SMYD3: variants seen among roughly 807,000 people sequenced by gnomAD.
SMYD3 encodes histone-lysine N-methyltransferase SMYD3.
SMYD3 carries 36 observed loss-of-function variants against 57.7 expected under a neutral mutation model. The ratio of observed to expected loss-of-function variants is 0.62; its 90% CI spans 0.48 to 0.82. The LOEUF is 0.82. Ranked by LOEUF, SMYD3 falls within the 40% of genes least tolerant of loss-of-function variation. The probability of loss-of-function intolerance (pLI) is 0.00; values close to 1 mark genes in which losing one functional copy is unlikely to be tolerated. For missense variants in SMYD3, 515 were observed against 538.8 expected, an observed-to-expected ratio of 0.96 and a Z score of 0.44; for synonymous variants, 211 against 195.0, an observed-to-expected ratio of 1.08 and a Z score of -0.68.
At chr1:246,443,994 T>C (rs2067510605) in intron 1 of SMYD3, among the ~76,000 whole-genome samples, 1 of 152,064 alleles carries the variant, frequency 6.6e-6, no homozygotes, top group African/African-American at 2.4e-5. Context: ...CAGACAACAA[T>C]CAACTTGATT....
At chr1:245,923,414 A>T (rs956052355) in intron 7 of SMYD3, among the ~76,000 whole-genome samples, 4 of 152,126 alleles carry the variant, frequency 2.6e-5, no homozygotes, top group Non-Finnish European at 5.9e-5. Context: ...TAGACCAGCC[A>T]ATGTTATGAA....
At chr1:246,296,317 C>T (rs535292815) in intron 5 of SMYD3, among the ~76,000 whole-genome samples, 1 of 152,270 alleles carries the variant, frequency 6.6e-6, no homozygotes, top group African/African-American at 2.4e-5. Context: ...CCATGAACAA[C>T]TCATTTCTCT....
chr1:246,095,762 G>C (rs1312453362), intron 5 of SMYD3, among the ~76,000 whole-genome samples: 1 of 152,188 alleles, frequency 6.6e-6, no homozygotes, highest in Admixed American at 6.5e-5. Flanking sequence ...CACAGTCCCA[G>C]CTACTCAGGA....
intron 1 of SMYD3, among the ~76,000 whole-genome samples, chr1:246,504,004 C>T (rs1031736810): frequency 1.3e-5 from 2 of 150,378 alleles, no homozygotes; most frequent in Admixed American, 1.3e-4. Flanking sequence ...AATTTCATTG[C>T]CATTTACTCT....
chr1:245,937,136 T>C (rs2057019418), intron 5 of SMYD3, among the ~76,000 whole-genome samples: 1 of 152,170 alleles, frequency 6.6e-6, no homozygotes, highest in African/African-American at 2.4e-5. Context: ...GTGGTGTCTG[T>C]CCCATTTCAA....
chr1:245,887,064 G>C (rs2053127133), intron 8 of SMYD3, among the ~76,000 whole-genome samples: 1 of 152,186 alleles, frequency 6.6e-6, no homozygotes, highest in African/African-American at 2.4e-5. Context: ...CTGGTAAAAT[G>C]AGGCTAAGAC....
Position 246,002,435 on chromosome 1 carries a change from C to T in SMYD3, c.532-72498G>A, listed in dbSNP as rs572100691. Reference sequence around the variant, plus strand: ...TCCTGACCTCGTGATCCACCCGCCTCGGCCTCCCAAAGTGCTGGGATTACA... The same window carrying T: ...TCCTGACCTCGTGATCCACCCGCCTTGGCCTCCCAAAGTGCTGGGATTACA... On this transcript the variant is annotated intron_variant, in intron 5 of 11. Transcript: ENST00000490107. Among the ~76,000 whole-genome samples the T allele has an allele frequency of 4.8e-4, 23 of 48,410 alleles. 8 individuals are homozygous for T. The highest frequency in any genetic ancestry group is 8.9e-4 in the Non-Finnish European group (18 of 20,184). 31.8% of individuals were successfully genotyped at this position (48,410 alleles called of 152,430 possible). A position where few individuals can be genotyped will look rare whatever the true frequency, so the allele number is the denominator to read the frequency against.
At chr1:245,963,902 T>C (rs1400925571) in intron 5 of SMYD3, among the ~76,000 whole-genome samples, 1 of 152,208 alleles carries the variant, frequency 6.6e-6, no homozygotes, top group East Asian at 1.9e-4. Flanking sequence ...ACTAGAAGAC[T>C]GAGACCCACT....
intron 1 of SMYD3, among the ~76,000 whole-genome samples, chr1:246,408,686 T>C (rs999345883): frequency 2.8e-5 from 4 of 144,720 alleles, no homozygotes; most frequent in African/African-American, 1.1e-4. Context: ...TTTTTTTTTT[T>C]TGAGATGGAG....
chr1:245,894,952 G>A (rs2053663381), intron 8 of SMYD3, among the ~76,000 whole-genome samples: 1 of 152,354 alleles, frequency 6.6e-6, no homozygotes, highest in African/African-American at 2.4e-5. Context: ...GGAGCCTGGT[G>A]AGCACAGCTG....
chr1:245,927,026 T>C (rs2056420660), intron 7 of SMYD3, among the ~76,000 whole-genome samples: 1 of 152,264 alleles, frequency 6.6e-6, no homozygotes. Context: ...CAAATCCCTG[T>C]CTACATAAAA....
At chr1:246,469,852 G>A (rs1277469339) in intron 1 of SMYD3, among the ~76,000 whole-genome samples, 1 of 152,124 alleles carries the variant, frequency 6.6e-6, no homozygotes, top group Non-Finnish European at 1.5e-5. Flanking sequence ...TAGTTACAAG[G>A]GGAAAAACAG....
chr1:246,142,976 C>T (rs1358417637), intron 5 of SMYD3, among the ~76,000 whole-genome samples: 1 of 152,108 alleles, frequency 6.6e-6, no homozygotes, highest in Non-Finnish European at 1.5e-5. Context: ...GTGCAACCAG[C>T]CTCTCTTAAT....
intron 10 of SMYD3, 46 bp downstream of exon 10, chr1:245,858,450 G>C (rs369572604): frequency 6.5e-7 from 1 of 1,548,662 alleles, no homozygotes; most frequent in Non-Finnish European, 8.7e-7. Context: ...TTTGCCCAAC[G>C]TGAAGACGTC....
At chr1:245,882,514 G>T (rs761940097) in intron 8 of SMYD3, among the ~76,000 whole-genome samples, 16 of 152,082 alleles carry the variant, frequency 1.1e-4, no homozygotes, top group Non-Finnish European at 2.1e-4. Flanking sequence ...CAATCATGTG[G>T]GGGTGAGGGG....
chr1:246,047,969 A>C (rs2059999904), intron 5 of SMYD3, among the ~76,000 whole-genome samples: 2 of 152,210 alleles, frequency 1.3e-5, no homozygotes, highest in South Asian at 4.1e-4. Context: ...AAAAATGTAA[A>C]ATTTGTTAGT....
intron 10 of SMYD3, among the ~76,000 whole-genome samples, chr1:245,843,013 T>C (rs2050480822): frequency 6.6e-6 from 1 of 152,240 alleles, no homozygotes; most frequent in African/African-American, 2.4e-5. Context: ...ACCCAGCTTA[T>C]ATGTATTTTT....
At position 246,335,066 on chromosome 1, in the gene SMYD3, G is replaced by A. The variant is rs763691137; in HGVS notation, c.336+301C>T. On this transcript the variant is annotated intron_variant, in intron 3 of 11. Coordinates refer to ENST00000490107, the MANE Select transcript of SMYD3 (RefSeq NM_001167740.2). Reference sequence around the variant, plus strand: ...CAACATCCACCAGCGAAAAGATGATGATGCACTGAAGGGTCTAATGATCCT... The same window carrying A: ...CAACATCCACCAGCGAAAAGATGATAATGCACTGAAGGGTCTAATGATCCT... Among the ~76,000 whole-genome samples, 23 of 152,208 alleles carry A rather than the reference G, an allele frequency of 1.5e-4. 1 individual carries two copies. The highest frequency in any genetic ancestry group is 3.2e-4 in the Non-Finnish European group (22 of 68,040).
chr1:245,942,658 A>G (rs189311851), intron 5 of SMYD3, among the ~76,000 whole-genome samples: 1 of 152,310 alleles, frequency 6.6e-6, no homozygotes, highest in East Asian at 1.9e-4. Flanking sequence ...TAACCCCCCA[A>G]AACAGAATAC....
Sources: allele counts gnomAD v4.1 joint callset (sites outside exome capture counted in the v4.1 genomes callset), GRCh38; gene constraint gnomAD v4.1.1; transcripts MANE v1.5; gene names NCBI Gene and HGNC (gene_info 2026-07-23, HGNC 2026-07-21).